The following CCDC180 variants were observed in gnomAD, a reference collection of about 807,000 sequenced individuals.
CCDC180 encodes the protein coiled-coil domain containing 180, also known as coiled-coil domain-containing protein 180.
Under a neutral mutation model 209.2 loss-of-function variants are expected in CCDC180, and 154 were observed. The ratio of observed to expected loss-of-function variants is 0.74; its 90% CI spans 0.65 to 0.84. The LOEUF (loss-of-function observed/expected upper bound fraction) is 0.84, where lower values mean the gene tolerates loss of function less well. Ranked by LOEUF, CCDC180 falls within the 40% of genes least tolerant of loss-of-function variation. CCDC180 has a pLI of 0.00. For missense variants in CCDC180, 1,874 were observed against 1,997.3 expected, an observed-to-expected ratio of 0.94 and a Z score of 1.18; for synonymous variants, 778 against 749.1, an observed-to-expected ratio of 1.04 and a Z score of -0.63.
At position 97,370,788 on chromosome 9, in the gene CCDC180, A is replaced by G. The variant is rs1372476403; in HGVS notation, c.4488+10A>G. ...CAAGGAGAAGCTGGAGGTCAGTGATACCATTGATTCGCCAGTCCAGGCATG... is the reference window on the plus strand; with the variant it reads ...CAAGGAGAAGCTGGAGGTCAGTGATGCCATTGATTCGCCAGTCCAGGCATG... On this transcript the variant is annotated intron_variant, in intron 33 of 36. Transcript: ENST00000529487. 1 of 1,613,264 alleles carries G rather than the reference A, an allele frequency of 6.2e-7. No homozygotes were observed. The highest frequency in any genetic ancestry group is 1.3e-5 in the African/African-American group (1 of 74,984).
chr9:97,328,953 A>G (rs1421983598), intron 16 of CCDC180, among the ~76,000 whole-genome samples: 2 of 152,210 alleles, frequency 1.3e-5, no homozygotes, highest in African/African-American at 4.8e-5. Flanking sequence ...ATGCATGAAT[A>G]CCTGGGATTC....
At chr9:97,312,647 G>A (rs926037413) in intron 4 of CCDC180, among the ~76,000 whole-genome samples, 3 of 152,208 alleles carry the variant, frequency 2.0e-5, no homozygotes, top group African/African-American at 7.2e-5. Context: ...CCTTCACCAT[G>A]ACACCTGTTC....
chr9:97,327,885 C>T (rs535387464), intron 15 of CCDC180, 135 bp from the exon 16 acceptor site: 4 of 926,350 alleles, frequency 4.3e-6, no homozygotes, highest in Non-Finnish European at 6.4e-6. Context: ...ATAGCATAGC[C>T]AAGGACTGCT....
At chr9:97,323,068 T>C in intron 12 of CCDC180, 147 bp downstream of exon 12, 1 of 636,364 alleles carries the variant, frequency 1.6e-6, no homozygotes, top group Non-Finnish European at 2.8e-6. Flanking sequence ...CAAGCTTTTC[T>C]TCCTCATGGA....
rs770661481 is a variant in CCDC180 at position 97,320,076 on chromosome 9, AG to A, written c.1080-49del. The A allele has an allele frequency of 2.8e-6, 4 of 1,424,154 alleles. No homozygotes were observed. The Admixed American group carries it at 6.7e-5, about 24-fold the overall frequency. 88.2% of individuals were successfully genotyped at this position (1,424,154 alleles called of 1,614,324 possible). On this transcript the variant is annotated intron_variant, in intron 10 of 36. Transcript: ENST00000529487. ...CTTGAAGATGCTACCCATTTTGGTG[AG>A]TAAACGGTTTGTTCCTGTGTGGCTT...
In CCDC180 at chr9:97,314,443, G is replaced by A. The variant is rs1256544958; in HGVS notation, c.510G>A (p.Leu170=). 6.2e-7 allele frequency: 1 copy of A among 1,614,010 alleles called. No individual in the cohort carries two copies. The highest frequency in any genetic ancestry group is 8.5e-7 in the Non-Finnish European group (1 of 1,180,030). Residue 170 remains leucine (L), a synonymous_variant, in exon 6 of 37, where the codon CTG becomes CTA. Coordinates refer to ENST00000529487, the MANE Select transcript of CCDC180 (RefSeq NM_020893.6). ...CAGGGGGACTTTTTTTGAAGAAGCT[G>A]ACTGAGTCTGATGAAGAAATGAACC... ...VDTGGLFLKK[L]TESDEEMNRL... is the part of the protein sequence containing the mutation.
chr9:97,347,384 G>T lies in CCDC180; in HGVS notation c.2569G>T (p.Val857Leu). The T allele has an allele frequency of 6.5e-7, 1 of 1,536,130 alleles. No individual in the cohort carries two copies. The highest frequency in any genetic ancestry group is 8.7e-7 in the Non-Finnish European group (1 of 1,146,924). ...DQCSLNTRVT[V>L]ATKINELDSE... is the part of the protein sequence containing the mutation. ...GTGTTCCCTCAACACCCGGGTCACCGTGGCCACCAAAATCAATGAGCTGGA... is the reference window on the plus strand; with the variant it reads ...GTGTTCCCTCAACACCCGGGTCACCTTGGCCACCAAAATCAATGAGCTGGA... Residue 857 changes from valine (V) to leucine (L), a missense_variant, in exon 20 of 37, where the codon GTG becomes TTG. Transcript: ENST00000529487.
chr9:97,348,949 G>T (rs754687830), intron 20 of CCDC180, 162 bp from the exon 21 acceptor site: 1 of 634,884 alleles, frequency 1.6e-6, no homozygotes, highest in Non-Finnish European at 2.6e-6. Context: ...TCCAGCCCAA[G>T]CCCTGATGAA....
rs777917961 is a variant in CCDC180 at position 97,314,452 on chromosome 9, T to C, written c.519T>C (p.Ser173=). 14 of 1,614,040 alleles carry C rather than the reference T, an allele frequency of 8.7e-6. No individual in the cohort carries two copies. The highest frequency in any genetic ancestry group is 3.3e-5 in the Admixed American group (2 of 60,014). ...GGLFLKKLTE[S]DEEMNRLFLK... ...TTTTTTTGAAGAAGCTGACTGAGTC[T>C]GATGAAGAAATGAACCGTCTCTTCC... Residue 173 remains serine, a synonymous_variant, in exon 6 of 37, where the codon TCT becomes TCC. Coordinates refer to ENST00000529487, the MANE Select transcript of CCDC180 (RefSeq NM_020893.6).
chr9:97,332,647 A>G (rs1425833507), intron 18 of CCDC180, among the ~76,000 whole-genome samples: 3 of 151,864 alleles, frequency 2.0e-5, no homozygotes, highest in African/African-American at 7.3e-5. Context: ...TGTGAATGGG[A>G]TTGCTTTCCT....
At position 97,359,846 on chromosome 9, in the gene CCDC180, C is replaced by T. The variant is rs184429063; in HGVS notation, c.3364-136C>T. ...CCTTCCCCACTCCCCAAGGGCCTTC[C>T]CTGCATGTGAGGAGCCTCCATTAAG... is the stretch of plus-strand genomic sequence containing the variant. On this transcript the variant is annotated intron_variant, in intron 25 of 36. Coordinates refer to ENST00000529487, the MANE Select transcript of CCDC180 (RefSeq NM_020893.6). The T allele has an allele frequency of 2.3e-3, 2,617 of 1,153,098 alleles. 32 individuals carry two copies. Among genetic ancestry groups the T allele is most frequent in the East Asian group, 1.0e-3 (41 of 40,672 alleles). The allele number at this position is 1,153,098 out of a possible 1,614,324, so 71.4% of individuals were successfully genotyped here. A position where few individuals can be genotyped will look rare whatever the true frequency, so the allele number is the denominator to read the frequency against.
chr9:97,339,660 A>G (rs1826019230), intron 18 of CCDC180, among the ~76,000 whole-genome samples: 1 of 152,024 alleles, frequency 6.6e-6, no homozygotes, highest in South Asian at 2.1e-4. Flanking sequence ...CTCAAGGAGT[A>G]TCTTTGTGGT....
intron 8 of CCDC180, among the ~76,000 whole-genome samples, chr9:97,315,984 C>A (rs1833159396): frequency 6.6e-6 from 1 of 152,184 alleles, no homozygotes; most frequent in Non-Finnish European, 1.5e-5. Flanking sequence ...GTTGAAAAAT[C>A]ATGTCAAGCC....
At chr9:97,370,213 G>C in intron 32 of CCDC180, 131 bp downstream of exon 32, 1 of 988,838 alleles carries the variant, frequency 1.0e-6, no homozygotes, top group Non-Finnish European at 1.5e-6. Flanking sequence ...TTGGATGGGG[G>C]CTGAGGGACA....
chr9:97,317,968 C>A (rs1427684888), intron 9 of CCDC180, among the ~76,000 whole-genome samples: 1 of 152,212 alleles, frequency 6.6e-6, no homozygotes, highest in African/African-American at 2.4e-5. Context: ...ACAGTGATAG[C>A]AATGGCTGCC....
At chr9:97,355,145 A>C in intron 24 of CCDC180, 137 bp downstream of exon 24, 1 of 628,882 alleles carries the variant, frequency 1.6e-6, no homozygotes, top group South Asian at 2.0e-5. Context: ...GACAGACACA[A>C]TCTTTTTTTT....
At chr9:97,349,352 T>C (rs1826360639) in intron 21 of CCDC180, 61 bp downstream of exon 21, 1 of 1,456,378 alleles carries the variant, frequency 6.9e-7, no homozygotes, top group African/African-American at 1.4e-5. Flanking sequence ...GTTCGGCTGC[T>C]GCTTTCAAAG....
intron 25 of CCDC180, 122 bp downstream of exon 25, chr9:97,357,847 G>C (rs985556040): frequency 2.0e-5 from 14 of 714,452 alleles, no homozygotes; most frequent in African/African-American, 1.3e-4. Flanking sequence ...GGGGTGGGGG[G>C]ACATCTCTGA....
chr9:97,348,251 T>C (rs1413956538), intron 20 of CCDC180, among the ~76,000 whole-genome samples: 4 of 152,138 alleles, frequency 2.6e-5, no homozygotes, highest in South Asian at 2.1e-4. Flanking sequence ...CAAACTCCTA[T>C]TCCTGGAGCA....
Sources: gnomAD v4.1 joint callset for allele counts (sites outside exome capture counted in the v4.1 genomes callset) on GRCh38, gnomAD v4.1.1 for gene constraint, MANE v1.5 for transcripts, NCBI Gene and HGNC (gene_info 2026-07-23, HGNC 2026-07-21) for gene names.